The following MIR2052HG variants were observed in gnomAD, a reference collection of about 807,000 sequenced individuals.
The protein encoded by MIR2052HG is MIR2052 host gene.
In MIR2052HG at chr8:74,676,191, A is replaced by C. The variant is rs569723326; in HGVS notation, n.217-26188A>C. 6.6e-5 allele frequency among the ~76,000 whole-genome samples: 10 copies of C among 152,216 alleles called. No individual in the cohort carries two copies. The South Asian group carries it at 2.1e-3, about 32-fold the overall frequency. On this transcript the variant is annotated intron_variant and non_coding_transcript_variant, in intron 2 of 6. Coordinates refer to ENST00000523442, the Ensembl canonical transcript of MIR2052HG. ...ACTGCCAACAGATTTTACTAAAGGA[A>C]CATCTAAAGCAAACATTTCAGAATG...
intron 1 of MIR2052HG, among the ~76,000 whole-genome samples, chr8:74,602,845 C>A (rs1182022132): frequency 7.1e-6 from 1 of 141,608 alleles, no homozygotes; most frequent in Non-Finnish European, 1.5e-5. Context: ...TTCTTTCTTT[C>A]TTTCTTTCTT....
intron 2 of MIR2052HG, among the ~76,000 whole-genome samples, chr8:74,667,702 T>C (rs1453883952): frequency 6.6e-6 from 1 of 152,062 alleles, no homozygotes; most frequent in Non-Finnish European, 1.5e-5. Context: ...GACAATCTGC[T>C]CTCCTGTGTT....
At position 74,668,755 on chromosome 8, in the gene MIR2052HG, C is replaced by G. The variant is rs1400130554; in HGVS notation, n.217-33624C>G. On this transcript the variant is annotated intron_variant and non_coding_transcript_variant, in intron 2 of 6. Transcript: ENST00000523442. ...AACTGCCCCACCAGAAGAGAGGCAC[C>G]TCGCCAAGGTAAGAACCTTTTTGTG... Among the ~76,000 whole-genome samples the G allele has an allele frequency of 2.0e-5, 3 of 152,186 alleles. No homozygotes were observed. In the South Asian group the frequency reaches 6.2e-4, roughly 31 times the overall value.
At chr8:74,681,234 A>G (rs957672986) in intron 2 of MIR2052HG, among the ~76,000 whole-genome samples, 3 of 152,062 alleles carry the variant, frequency 2.0e-5, no homozygotes, top group Admixed American at 2.0e-4. Flanking sequence ...AAAAGACACA[A>G]TGTCACCAAG....
At chr8:74,689,319 A>G (rs972496544) in intron 2 of MIR2052HG, among the ~76,000 whole-genome samples, 6 of 152,146 alleles carry the variant, frequency 3.9e-5, no homozygotes, top group Non-Finnish European at 7.3e-5. Context: ...GAAAAATGTG[A>G]TTTTCATTAT....
chr8:74,703,530 T>A, intron 3 of MIR2052HG: 1 of 376,688 alleles, frequency 2.7e-6, no homozygotes, highest in East Asian at 8.2e-5. Flanking sequence ...AATCAGGAGA[T>A]AAATGGAATT....
intron 2 of MIR2052HG, among the ~76,000 whole-genome samples, chr8:74,677,404 A>T (rs1178270553): frequency 1.3e-5 from 2 of 152,068 alleles, no homozygotes; most frequent in African/African-American, 4.8e-5. Context: ...AAGAATATCT[A>T]AAAAAATTAA....
chr8:74,752,389 G>T lies in MIR2052HG; in HGVS notation n.372-52G>T, dbSNP rs76880986. 2,873 of 439,832 alleles carry T rather than the reference G, an allele frequency of 6.5e-3. 68 individuals carry two copies. Among genetic ancestry groups the T allele is most frequent in the African/African-American group, 0.046 (2,259 of 48,806 alleles). 27.2% of individuals were successfully genotyped at this position (439,832 alleles called of 1,614,324 possible). A position where few individuals can be genotyped will look rare whatever the true frequency, so the allele number is the denominator to read the frequency against. On this transcript the variant is annotated intron_variant and non_coding_transcript_variant, in intron 4 of 6. Transcript: ENST00000523442. ...AAGAATTTGATAATCCTTAGCATTT[G>T]ATCACATTTGGGAGCATTTTTCATT...
chr8:74,623,522 T>C (rs114650661), intron 2 of MIR2052HG, among the ~76,000 whole-genome samples: 1,697 of 152,340 alleles, frequency 0.011, 22 homozygotes, highest in African/African-American at 0.039. Context: ...AAAATGTGTT[T>C]TTTTAATTTT....
chr8:74,668,677 A>G lies in MIR2052HG; in HGVS notation n.217-33702A>G, dbSNP rs577223649. ...CAGGAACAAAGGAATTATCATGTCC[A>G]TGGCTGGCAGAGCTGTCCCCAAAAT... On this transcript the variant is annotated intron_variant and non_coding_transcript_variant, in intron 2 of 6. Coordinates refer to ENST00000523442, the Ensembl canonical transcript of MIR2052HG. Among the ~76,000 whole-genome samples the G allele has an allele frequency of 3.2e-4, 49 of 152,300 alleles. 1 individual carries two copies. The South Asian group carries it at 8.1e-3, about 25-fold the overall frequency.
intron 4 of MIR2052HG, among the ~76,000 whole-genome samples, chr8:74,751,093 AAATC>A (rs1477076171): frequency 1.3e-5 from 2 of 152,206 alleles, no homozygotes; most frequent in African/African-American, 4.8e-5. Flanking sequence ...TGTAAACACA[AAATC>A]AATGCTGGTG....
intron 2 of MIR2052HG, among the ~76,000 whole-genome samples, chr8:74,615,937 G>T (rs1402928874): frequency 1.3e-5 from 2 of 152,214 alleles, no homozygotes; most frequent in Non-Finnish European, 2.9e-5. Flanking sequence ...CAAAGGACAT[G>T]AACTCATCAT....
intron 4 of MIR2052HG, among the ~76,000 whole-genome samples, chr8:74,746,736 G>A (rs1443395101): frequency 1.3e-5 from 2 of 151,952 alleles, no homozygotes; most frequent in African/African-American, 4.8e-5. Flanking sequence ...TTAGGATCAA[G>A]GCTGTGAAGA....
intron 4 of MIR2052HG, among the ~76,000 whole-genome samples, chr8:74,714,773 C>T (rs566330852): frequency 5.9e-4 from 87 of 146,798 alleles, no homozygotes; most frequent in African/African-American, 2.1e-3. Context: ...GGTGCAATCT[C>T]GGCTCGCTGC....
intron 2 of MIR2052HG, among the ~76,000 whole-genome samples, chr8:74,650,357 T>C (rs1808739358): frequency 6.6e-6 from 1 of 152,224 alleles, no homozygotes; most frequent in Admixed American, 6.5e-5. Context: ...GTTGTGTGTA[T>C]CAATAGTTTG....
At chr8:74,636,674 C>T (rs1808584975) in intron 2 of MIR2052HG, among the ~76,000 whole-genome samples, 1 of 152,056 alleles carries the variant, frequency 6.6e-6, no homozygotes. Context: ...TCCATGCTAC[C>T]TATCGTATAC....
chr8:74,740,215 G>A (rs1227799890), intron 4 of MIR2052HG, among the ~76,000 whole-genome samples: 2 of 152,158 alleles, frequency 1.3e-5, no homozygotes, highest in African/African-American at 4.8e-5. Context: ...TGTAATCCCA[G>A]TACTTTGAGA....
intron 4 of MIR2052HG, among the ~76,000 whole-genome samples, chr8:74,744,630 C>T (rs888887995): frequency 6.6e-6 from 1 of 152,066 alleles, no homozygotes; most frequent in African/African-American, 2.4e-5. Flanking sequence ...CCAATTTCAT[C>T]CATGTCCCTA....
intron 4 of MIR2052HG, among the ~76,000 whole-genome samples, chr8:74,748,794 G>A (rs773094569): frequency 6.6e-6 from 1 of 152,132 alleles, no homozygotes; most frequent in African/African-American, 2.4e-5. Flanking sequence ...TGGAGATTCT[G>A]CAATGAGATA....
Sources: allele counts gnomAD v4.1 joint callset (sites outside exome capture counted in the v4.1 genomes callset), GRCh38; gene constraint gnomAD v4.1.1; transcripts MANE v1.5; gene names NCBI Gene and HGNC (gene_info 2026-07-23, HGNC 2026-07-21).